GPHN: variants seen among roughly 807,000 people sequenced by gnomAD.
GPHN encodes the protein gephyrin.
In GPHN, 17 loss-of-function variants were observed where a neutral mutation model predicts 95.5. The observed-to-expected ratio is 0.18, with a 90% confidence interval of 0.12 to 0.27. The LOEUF (loss-of-function observed/expected upper bound fraction) is 0.27. Among genes scored for constraint, GPHN ranks in the 10% least tolerant of loss-of-function variants. The probability of loss-of-function intolerance (pLI) is 1.00; values close to 1 mark genes in which losing one functional copy is unlikely to be tolerated. For missense variants in GPHN, 660 were observed against 978.1 expected, an observed-to-expected ratio of 0.67 and a Z score of 4.34; for synonymous variants, 320 against 322.5, an observed-to-expected ratio of 0.99 and a Z score of 0.08.
At chr14:67,437,571 G>T in the GPHN span, among the ~76,000 whole-genome samples, 2,247 of 152,268 alleles carry the variant, frequency 0.015, 24 homozygotes, top group Non-Finnish European at 0.024. Flanking sequence ...TAGGCTGTGC[G>T]GGCAGCCGTG....
At chr14:67,000,806 C>T (rs981334331) in intron 9 of GPHN, among the ~76,000 whole-genome samples, 3 of 151,562 alleles carry the variant, frequency 2.0e-5, no homozygotes, top group African/African-American at 7.2e-5. Context: ...TGGGAAAACA[C>T]ATTACATTCT....
intron 2 of GPHN, among the ~76,000 whole-genome samples, chr14:66,688,937 A>G (rs1022876758): frequency 5.3e-5 from 8 of 152,032 alleles, no homozygotes; most frequent in Admixed American, 4.6e-4. Context: ...TGGGGGAGGG[A>G]TAGCATTAGT....
the GPHN span, among the ~76,000 whole-genome samples, chr14:67,327,252 T>C: frequency 6.6e-6 from 1 of 152,152 alleles, no homozygotes; most frequent in Non-Finnish European, 1.5e-5. Context: ...TAGACCTATG[T>C]TTTCATTTCT....
At chr14:67,013,780 T>C (rs1308101641) in intron 9 of GPHN, among the ~76,000 whole-genome samples, 1 of 151,812 alleles carries the variant, frequency 6.6e-6, no homozygotes, top group East Asian at 1.9e-4. Flanking sequence ...AGCATTAGGG[T>C]TTTTTTAATG....
the GPHN span, among the ~76,000 whole-genome samples, chr14:67,261,197 CTG>C: frequency 6.6e-6 from 1 of 152,126 alleles, no homozygotes; most frequent in Admixed American, 6.6e-5. Flanking sequence ...AAAAGGGACA[CTG>C]TTGTGGTGGT....
chr14:67,416,760 T>C, the GPHN span, among the ~76,000 whole-genome samples: 1 of 152,224 alleles, frequency 6.6e-6, no homozygotes, highest in Admixed American at 6.5e-5. Context: ...AAGGTATCTT[T>C]TCCATTAACA....
intron 9 of GPHN, among the ~76,000 whole-genome samples, chr14:67,020,612 T>C (rs977219307): frequency 2.6e-5 from 4 of 152,154 alleles, no homozygotes; most frequent in African/African-American, 9.7e-5. Context: ...CAAAACAATC[T>C]TGATTAGTAA....
At chr14:66,680,547 A>T (rs926604042) in intron 1 of GPHN, among the ~76,000 whole-genome samples, 2 of 152,200 alleles carry the variant, frequency 1.3e-5, no homozygotes, top group African/African-American at 4.8e-5. Context: ...GCCAGCTTAC[A>T]AATTATCAAG....
At chr14:67,608,474 G>A in the GPHN span, among the ~76,000 whole-genome samples, 3 of 152,090 alleles carry the variant, frequency 2.0e-5, no homozygotes, top group Non-Finnish European at 4.4e-5. Context: ...TGGTATCTGA[G>A]GGAGGTCCTG....
chr14:66,844,388 A>G (rs1273535250), intron 4 of GPHN, among the ~76,000 whole-genome samples: 1 of 152,184 alleles, frequency 6.6e-6, no homozygotes, highest in Non-Finnish European at 1.5e-5. Context: ...CTCAAATACA[A>G]GAACCAAAGA....
At chr14:67,301,432 A>G in the GPHN span, 1 of 1,611,090 alleles carries the variant, frequency 6.2e-7, no homozygotes, top group Non-Finnish European at 8.5e-7. Context: ...GAAGGACAAG[A>G]ACTAACTGCT....
At chr14:67,577,059 C>T in the GPHN span, among the ~76,000 whole-genome samples, 1 of 152,178 alleles carries the variant, frequency 6.6e-6, no homozygotes, top group Non-Finnish European at 1.5e-5. Context: ...CACTCAGACA[C>T]CCACAACCTT....
At position 67,130,433 on chromosome 14, in the gene GPHN, T is replaced by C. The variant is rs147787486; in HGVS notation, c.1748+8056T>C. On this transcript the variant is annotated intron_variant, in intron 17 of 22. Transcript: ENST00000478722. ...TGGCCTCCAGCTGCATCCATGTAGC[T>C]GCAAAGGACATGATTTCATTCTTTT... Among the ~76,000 whole-genome samples, 990 of 152,322 alleles carry C rather than the reference T, an allele frequency of 6.5e-3. 8 individuals are homozygous for C. The highest frequency in any genetic ancestry group is 0.023 in the African/African-American group (943 of 41,570).
At chr14:67,519,759 GT>G in the GPHN span, among the ~76,000 whole-genome samples, 2 of 144,496 alleles carry the variant, frequency 1.4e-5, no homozygotes, top group East Asian at 4.1e-4. Flanking sequence ...TTCTCGTTCT[GT>G]TGCCCAGCCT....
chr14:67,101,711 A>G (rs2077705190), intron 13 of GPHN, among the ~76,000 whole-genome samples: 1 of 151,580 alleles, frequency 6.6e-6, no homozygotes, highest in East Asian at 1.9e-4. Context: ...GGGTTTTATT[A>G]TATTTTACAC....
At chr14:66,697,092 T>G (rs1269695458) in intron 2 of GPHN, among the ~76,000 whole-genome samples, 1 of 152,234 alleles carries the variant, frequency 6.6e-6, no homozygotes, top group African/African-American at 2.4e-5. Flanking sequence ...GTAAATTTCT[T>G]TACTCCTATA....
chr14:67,610,654 A>G, the GPHN span, among the ~76,000 whole-genome samples: 10 of 152,276 alleles, frequency 6.6e-5, no homozygotes, highest in East Asian at 1.9e-3. Context: ...TTAGCATTTC[A>G]GTAGATCAAG....
At chr14:66,793,038 C>T (rs527500097) in intron 3 of GPHN, among the ~76,000 whole-genome samples, 6 of 152,378 alleles carry the variant, frequency 3.9e-5, no homozygotes, top group East Asian at 1.9e-4. Flanking sequence ...CCGCCCTGGG[C>T]GGGCCAGGTG....
rs766958253 is a variant in GPHN at position 67,108,752 on chromosome 14, T to TGTGC, written c.1294-1387_1294-1386insTGCG. Among the ~76,000 whole-genome samples the TGTGC allele has an allele frequency of 1.8e-3, 277 of 149,872 alleles. 1 individual carries two copies. Among genetic ancestry groups the TGTGC allele is most frequent in the Non-Finnish European group, 3.0e-3 (204 of 67,354 alleles). On this transcript the variant is annotated intron_variant, in intron 13 of 22. Coordinates refer to ENST00000478722, the MANE Select transcript of GPHN (RefSeq NM_020806.5). ...GTGTGTGTGTGTGTGTGTGTGTGTG[T>TGTGC]GGTTTATTTTACTTTGTCTTATTTT... is the stretch of plus-strand genomic sequence containing the variant.
Sources: gnomAD v4.1 joint callset for allele counts (sites outside exome capture counted in the v4.1 genomes callset) on GRCh38, gnomAD v4.1.1 for gene constraint, MANE v1.5 for transcripts, NCBI Gene and HGNC (gene_info 2026-07-23, HGNC 2026-07-21) for gene names.